ABCA10: variants seen among roughly 807,000 people sequenced by gnomAD.
ABCA10 encodes ATP binding cassette subfamily A member 10, also known as ATP-binding cassette sub-family A member 10.
A neutral mutation model predicts 187.5 loss-of-function variants in ABCA10; 169 were observed. That is an observed-to-expected ratio of 0.90 (90% CI 0.80 to 1.02). The LOEUF is 1.02. ABCA10 is among the 50% of genes least tolerant of loss of function. The pLI is 0.00. For missense variants in ABCA10, 1,727 were observed against 1,812.4 expected (o/e 0.95, Z 0.86); for synonymous variants, 574 against 601.8 (o/e 0.95, Z 0.68).
At position 69,154,309 on chromosome 17, in the gene ABCA10, G is replaced by A. The variant is rs757098853; in HGVS notation, c.3712C>T (p.Leu1238=). ...CTTTTACCAGCTCCATTGTGTCCTA[G>A]TAATCCCAAAACTTCACCTGGAAGA... is the stretch of plus-strand genomic sequence containing the variant. ...CVKKGEVLGL[L]GHNGAGKSTS... is the part of the protein sequence containing the mutation. The change falls in exon 31 of 39, where the codon CTA becomes TTA. Residue 1238 remains leucine, a synonymous_variant. Coordinates refer to ENST00000690296, the MANE Select transcript of ABCA10 (RefSeq NM_001377321.1). 8.1e-6 allele frequency: 13 copies of A among 1,602,414 alleles called. 1 individual carries two copies. In the South Asian group the frequency reaches 1.5e-4, roughly 18 times the overall value.
intron 22 of ABCA10, among the ~76,000 whole-genome samples, chr17:69,176,363 G>A (rs1261002326): frequency 1.3e-5 from 2 of 151,868 alleles, no homozygotes; most frequent in Non-Finnish European, 2.9e-5. Context: ...AAGGCATTGA[G>A]GGGTCTTTAA....
chr17:69,192,480 T>C (rs957780161), intron 16 of ABCA10, 83 bp downstream of exon 16: 10 of 1,235,216 alleles, frequency 8.1e-6, no homozygotes, highest in Non-Finnish European at 1.1e-5. Context: ...AAGTTGCCTT[T>C]CTTATATTTC....
At chr17:69,154,123 A>C (rs951613427) in intron 31 of ABCA10, 112 bp downstream of exon 31, 5 of 1,449,140 alleles carry the variant, frequency 3.5e-6, no homozygotes, top group Non-Finnish European at 4.6e-6. Flanking sequence ...ACGCAAGAGA[A>C]ATTTTATAAA....
rs1462336954 is a variant in ABCA10, at chr17:69,201,545, G to T, written c.1130C>A (p.Ser377Tyr). The part of the protein sequence containing the change: ...EINPEHSSDD[S>Y]FEPVSPEFHG... Reference sequence around the variant, plus strand: ...GAATTCTGGAGACACCGGTTCAAAAGAATCATCAGAGGAATGCTCAGGATT... The same window carrying T: ...GAATTCTGGAGACACCGGTTCAAAATAATCATCAGAGGAATGCTCAGGATT... Residue 377 changes from serine to tyrosine, a missense_variant, in exon 10 of 39, where the codon TCT becomes TAT. Transcript: ENST00000690296. 1.2e-6 allele frequency: 2 copies of T among 1,607,450 alleles called. No homozygotes were observed. Among genetic ancestry groups the T allele is most frequent in the East Asian group, 2.2e-5 (1 of 44,666 alleles).
At chr17:69,192,524 A>C in intron 16 of ABCA10, 39 bp downstream of exon 16, 2 of 1,518,482 alleles carry the variant, frequency 1.3e-6, no homozygotes, top group African/African-American at 1.4e-5. Flanking sequence ...CCTCATATTA[A>C]TATGCTCATT....
Position 69,210,865 on chromosome 17 carries a change from T to TATATATATATATATATATATA in ABCA10, c.1006+3838_1006+3839insTATATATATATATATATATAT, listed in dbSNP as rs1555662878. 9.8e-4 allele frequency among the ~76,000 whole-genome samples: 142 copies of TATATATATATATATATATATA among 145,524 alleles called. 1 individual carries two copies. The highest frequency in any genetic ancestry group is 3.3e-3 in the African/African-American group (121 of 36,980). On this transcript the variant is annotated intron_variant, in intron 9 of 38. Transcript: ENST00000690296. ...TATGCCACATATATATATATATATATGCCATATTTCCTTTACCCACTCATT... is the reference window on the plus strand; with the variant it reads ...TATGCCACATATATATATATATATATATATATATATATATATATATAGCCATATTTCCTTTACCCACTCATT...
Position 69,221,807 on chromosome 17 carries a change from A to G in ABCA10, c.288T>C (p.Asn96=). The G allele has an allele frequency of 6.2e-7, 1 of 1,610,158 alleles. No homozygotes were observed. The highest frequency in any genetic ancestry group is 1.3e-5 in the African/African-American group (1 of 74,758). Residue 96 remains asparagine (N), a synonymous_variant, in exon 5 of 39, where the codon AAT becomes AAC. Transcript: ENST00000690296. ...AGGCACTTACTTCTATAATTGCAGC[A>G]TTAATTGCAGCTTGAAAAGCTACAA... is the stretch of plus-strand genomic sequence containing the variant. The part of the protein sequence containing the change: ...KGFVAFQAAI[N]AAIIEVTTNH...
chr17:69,214,959 T>C lies in ABCA10; in HGVS notation c.859-108A>G, dbSNP rs114026479. On this transcript the variant is annotated intron_variant, in intron 8 of 38. Transcript: ENST00000690296. Reference sequence around the variant, plus strand: ...TAGAGATATGTAATTAATATTTTAATACCTTTTCAAATATGCATAGTAAAT... The same window carrying C: ...TAGAGATATGTAATTAATATTTTAACACCTTTTCAAATATGCATAGTAAAT... The C allele has an allele frequency of 2.6e-3, 2,022 of 764,560 alleles. 24 individuals carry two copies. In the African/African-American group the frequency reaches 0.031, roughly 12 times the overall value. 47.4% of individuals were successfully genotyped at this position (764,560 alleles called of 1,614,324 possible).
chr17:69,205,612 T>G (rs1468082499), intron 9 of ABCA10, among the ~76,000 whole-genome samples: 1 of 152,256 alleles, frequency 6.6e-6, no homozygotes. Flanking sequence ...TGGCCAGTCA[T>G]GCAACTTCTC....
intron 8 of ABCA10, 57 bp from the exon 9 acceptor site, chr17:69,214,908 A>G: frequency 7.7e-7 from 1 of 1,296,196 alleles, no homozygotes; most frequent in Admixed American, 2.9e-5. Flanking sequence ...TAAATAAAAC[A>G]ATTTTTTTTA....
chr17:69,205,011 C>G (rs1210682590), intron 9 of ABCA10, among the ~76,000 whole-genome samples: 1 of 152,032 alleles, frequency 6.6e-6, no homozygotes, highest in Non-Finnish European at 1.5e-5. Flanking sequence ...GCTGGTAGTT[C>G]CAGCTACTGG....
Position 69,219,625 on chromosome 17 carries a change from A to T in ABCA10, c.450T>A (p.Phe150Leu), listed in dbSNP as rs766368586. ...TTTCCCTTGCAACATTTAATGATGC[A>T]AAGTATATAAAAGAAGAGAAAGAAA... ...CLVSFSSFIY[F>L]ASLNVARERG... Residue 150 changes from phenylalanine (F) to leucine (L), a missense_variant, in exon 6 of 39, where the codon TTT (phenylalanine) becomes TTA (leucine). By Grantham distance (22) the Phe-to-Leu change is conservative. Coordinates refer to ENST00000690296, the MANE Select transcript of ABCA10 (RefSeq NM_001377321.1). 6.2e-7 allele frequency: 1 copy of T among 1,611,598 alleles called. No individual in the cohort carries two copies. Among genetic ancestry groups the T allele is most frequent in the Non-Finnish European group, 8.5e-7 (1 of 1,178,964 alleles).
chr17:69,241,488 T>C (rs957990778), intron 1 of ABCA10, among the ~76,000 whole-genome samples: 6 of 152,220 alleles, frequency 3.9e-5, no homozygotes, highest in Admixed American at 1.3e-4. Context: ...TCTGATCTCA[T>C]TGAATGTCAA....
At chr17:69,198,554 G>C (rs1360593852) in intron 10 of ABCA10, among the ~76,000 whole-genome samples, 2 of 152,122 alleles carry the variant, frequency 1.3e-5, no homozygotes, top group Non-Finnish European at 2.9e-5. Context: ...AGATTTCCCA[G>C]AAAATCCCTG....
intron 11 of ABCA10, among the ~76,000 whole-genome samples, 172 bp from the exon 12 acceptor site, chr17:69,194,667 C>T (rs748204898): frequency 1.3e-5 from 2 of 152,154 alleles, no homozygotes; most frequent in African/African-American, 2.4e-5. Flanking sequence ...GAAGACAAAG[C>T]TTCAATTTGG....
chr17:69,180,523 G>T (rs1012372338), intron 22 of ABCA10, among the ~76,000 whole-genome samples: 3 of 152,122 alleles, frequency 2.0e-5, no homozygotes, highest in East Asian at 3.9e-4. Flanking sequence ...AGACAACATC[G>T]ATTCTATATT....
intron 28 of ABCA10, 111 bp from the exon 29 acceptor site, chr17:69,156,036 CATT>C (rs1329044032): frequency 8.0e-7 from 1 of 1,244,170 alleles, no homozygotes; most frequent in Non-Finnish European, 1.1e-6. Context: ...ACTATCACAT[CATT>C]AATTTATTAC....
At position 69,193,511 on chromosome 17, in the gene ABCA10, G is replaced by A. The variant is rs1568063314; in HGVS notation, c.1623C>T (p.Ala541=). Residue 541 remains alanine (A), a synonymous_variant, in exon 14 of 39, where the codon GCC becomes GCT. Transcript: ENST00000690296. ...CTCTCACCTGAGGATCTCCTAAGATGGCAATCCCTAGTGTTAGTTTTCTCT... is the reference window on the plus strand; with the variant it reads ...CTCTCACCTGAGGATCTCCTAAGATAGCAATCCCTAGTGTTAGTTTTCTCT... ...GQKRKLTLGI[A]ILGDPQVLLL... is the part of the protein sequence containing the mutation. 2 of 1,613,220 alleles carry A rather than the reference G, an allele frequency of 1.2e-6. No homozygotes were observed. Among genetic ancestry groups the A allele is most frequent in the Non-Finnish European group, 1.7e-6 (2 of 1,179,616 alleles).
At chr17:69,165,474 T>C (rs1474860840) in intron 25 of ABCA10, among the ~76,000 whole-genome samples, 1 of 152,198 alleles carries the variant, frequency 6.6e-6, no homozygotes, top group Non-Finnish European at 1.5e-5. Flanking sequence ...GAGGTTGGTG[T>C]TTATTGCCAT....
Sources: gnomAD v4.1 joint callset for allele counts (sites outside exome capture counted in the v4.1 genomes callset) on GRCh38, gnomAD v4.1.1 for gene constraint, MANE v1.5 for transcripts, NCBI Gene and HGNC (gene_info 2026-07-23, HGNC 2026-07-21) for gene names.